KCTD16: variants seen among roughly 807,000 people sequenced by gnomAD.
The protein encoded by KCTD16 is potassium channel tetramerization domain containing 16.
In KCTD16, 13 loss-of-function variants were observed where a neutral mutation model predicts 33.2. The observed-to-expected ratio is 0.39, with a 90% CI of 0.25 to 0.62. KCTD16 has a LOEUF of 0.62. KCTD16 is among the 20% of genes least tolerant of loss of function. KCTD16 has a pLI of 0.50. For missense variants in KCTD16, 441 were observed against 525.1 expected (o/e 0.84, Z 1.57); for synonymous variants, 197 against 195.3 (o/e 1.01, Z -0.07).
rs534547538 is a variant in KCTD16 at position 144,412,503 on chromosome 5, T to C, written c.833-61157T>C. 2.5e-4 allele frequency among the ~76,000 whole-genome samples: 38 copies of C among 152,276 alleles called. No homozygotes were observed. The South Asian group carries it at 7.7e-3, about 31-fold the overall frequency. On this transcript the variant is annotated intron_variant, in intron 3 of 3. Coordinates refer to ENST00000512467, the MANE Select transcript of KCTD16 (RefSeq NM_020768.4). ...GTGAAGATAAGGAGTAGATTGGTGC[T>C]TATCAGAGGCTAGGAAGGGTAAGGG... is the stretch of plus-strand genomic sequence containing the variant.
At chr5:144,426,464 T>G (rs1406158720) in intron 3 of KCTD16, among the ~76,000 whole-genome samples, 1 of 152,138 alleles carries the variant, frequency 6.6e-6, no homozygotes, top group East Asian at 1.9e-4. Context: ...TAGCCTGCTC[T>G]CTAAAATTCT....
In KCTD16 at chr5:144,312,246, G is replaced by T. The variant is rs376526864; in HGVS notation, c.832+104700G>T. On this transcript the variant is annotated intron_variant, in intron 3 of 3. Coordinates refer to ENST00000512467, the MANE Select transcript of KCTD16 (RefSeq NM_020768.4). Reference sequence around the variant, plus strand: ...TTCTGTTTATACGTGTTACTCTGCCGTACAGACCATGGCACACAGACCGTG... The same window carrying T: ...TTCTGTTTATACGTGTTACTCTGCCTTACAGACCATGGCACACAGACCGTG... Among the ~76,000 whole-genome samples, 6 of 152,254 alleles carry T rather than the reference G, an allele frequency of 3.9e-5. No individual in the cohort carries two copies. The East Asian group carries it at 1.2e-3, about 29-fold the overall frequency.
intron 3 of KCTD16, among the ~76,000 whole-genome samples, chr5:144,443,192 T>C (rs1753751058): frequency 6.6e-6 from 1 of 152,120 alleles, no homozygotes; most frequent in Non-Finnish European, 1.5e-5. Flanking sequence ...GAGGTTACTA[T>C]AAACTTCTCT....
chr5:144,343,372 G>A (rs1415008750), intron 3 of KCTD16, among the ~76,000 whole-genome samples: 1 of 152,098 alleles, frequency 6.6e-6, no homozygotes, highest in African/African-American at 2.4e-5. Context: ...GCATAGAGGT[G>A]TTTGTAGTAT....
chr5:144,446,435 C>G (rs1753818626), intron 3 of KCTD16, among the ~76,000 whole-genome samples: 1 of 151,980 alleles, frequency 6.6e-6, no homozygotes, highest in Non-Finnish European at 1.5e-5. Flanking sequence ...AAATGTAAGA[C>G]CCAAAACCAT....
chr5:144,265,590 G>A (rs749167936), intron 3 of KCTD16, among the ~76,000 whole-genome samples: 5 of 152,178 alleles, frequency 3.3e-5, no homozygotes, highest in Non-Finnish European at 5.9e-5. Flanking sequence ...AGAAGACTAG[G>A]AATTCACGAA....
intron 3 of KCTD16, among the ~76,000 whole-genome samples, chr5:144,352,815 A>G (rs1751476170): frequency 6.6e-6 from 1 of 152,228 alleles, no homozygotes; most frequent in Non-Finnish European, 1.5e-5. Flanking sequence ...CTGAGTTGGC[A>G]CTAATGGGTT....
intron 3 of KCTD16, among the ~76,000 whole-genome samples, chr5:144,451,079 CT>C (rs1317585652): frequency 1.3e-5 from 2 of 152,028 alleles, no homozygotes; most frequent in Non-Finnish European, 2.9e-5. Context: ...TGCACAGCTG[CT>C]TTTATATACC....
chr5:144,483,762 C>G lies in KCTD16; in HGVS notation c.*9648C>G, dbSNP rs1754749643. 6.6e-6 allele frequency: 1 copy of G among 151,932 alleles called. No homozygotes were observed. The highest frequency in any genetic ancestry group is 1.5e-5 in the Non-Finnish European group (1 of 67,924). The allele number at this position is 151,932 out of a possible 1,614,324, so 9.4% of individuals were successfully genotyped here. ...CAGTTTGTATGCACACAAGCCCATG[C>G]CTTCAACTGATAGTCCTAGCACAGA... On this transcript the variant is annotated 3_prime_UTR_variant, in exon 4 of 4. Coordinates refer to ENST00000512467, the MANE Select transcript of KCTD16 (RefSeq NM_020768.4).
At chr5:144,354,026 A>G (rs1218169451) in intron 3 of KCTD16, among the ~76,000 whole-genome samples, 2 of 152,182 alleles carry the variant, frequency 1.3e-5, no homozygotes, top group African/African-American at 4.8e-5. Flanking sequence ...TTTTGATTAT[A>G]AGGTAAATTC....
chr5:144,203,277 C>T (rs986625433), intron 2 of KCTD16, among the ~76,000 whole-genome samples: 5 of 151,580 alleles, frequency 3.3e-5, no homozygotes, highest in Admixed American at 2.6e-4. Context: ...AATATTAATT[C>T]TTGGTGTGCT....
intron 3 of KCTD16, among the ~76,000 whole-genome samples, chr5:144,303,108 G>A (rs1751489151): frequency 6.6e-6 from 1 of 152,118 alleles, no homozygotes; most frequent in Admixed American, 6.5e-5. Flanking sequence ...CTTTCAAAAG[G>A]CCTGTGGTTT....
At chr5:144,271,263 C>T (rs953067722) in intron 3 of KCTD16, among the ~76,000 whole-genome samples, 8 of 151,840 alleles carry the variant, frequency 5.3e-5, no homozygotes, top group African/African-American at 1.9e-4. Flanking sequence ...AAAATCCTCA[C>T]CAAAATACTA....
At chr5:144,464,711 T>C (rs1226224337) in intron 3 of KCTD16, among the ~76,000 whole-genome samples, 1 of 150,336 alleles carries the variant, frequency 6.7e-6, no homozygotes, top group Non-Finnish European at 1.5e-5. Context: ...CCTCCTCCTC[T>C]TCTTCTTCTT....
chr5:144,359,388 A>T (rs1375991169), intron 3 of KCTD16, among the ~76,000 whole-genome samples: 4 of 152,116 alleles, frequency 2.6e-5, no homozygotes, highest in Non-Finnish European at 5.9e-5. Context: ...TCTCTTTTGA[A>T]GAGAATGGCC....
chr5:144,438,491 A>G (rs1376348874), intron 3 of KCTD16, among the ~76,000 whole-genome samples: 1 of 152,152 alleles, frequency 6.6e-6, no homozygotes, highest in Non-Finnish European at 1.5e-5. Context: ...ACAAGTTCCT[A>G]TTTCATAGTA....
chr5:144,339,108 C>T (rs1243138338), intron 3 of KCTD16, among the ~76,000 whole-genome samples: 1 of 152,194 alleles, frequency 6.6e-6, no homozygotes. Flanking sequence ...TCAGCAGCAT[C>T]ATCACCTATT....
chr5:144,375,144 T>C (rs532710925), intron 3 of KCTD16, among the ~76,000 whole-genome samples: 1 of 152,332 alleles, frequency 6.6e-6, no homozygotes, highest in Admixed American at 6.5e-5. Context: ...GGTTTATTGC[T>C]TTCCAGGACA....
At chr5:144,178,959 C>A (rs1237099185) in intron 2 of KCTD16, among the ~76,000 whole-genome samples, 1 of 152,144 alleles carries the variant, frequency 6.6e-6, no homozygotes. Flanking sequence ...ATAGAACAAT[C>A]AGGACAGCAC....
Sources: gnomAD v4.1 joint callset for allele counts (sites outside exome capture counted in the v4.1 genomes callset) on GRCh38, gnomAD v4.1.1 for gene constraint, MANE v1.5 for transcripts, NCBI Gene and HGNC (gene_info 2026-07-23, HGNC 2026-07-21) for gene names.